LTF: variants seen among roughly 807,000 people sequenced by gnomAD.
The protein encoded by LTF is lactotransferrin, also known as epididymis luminal protein 110.
In LTF, 91 loss-of-function variants were observed where a neutral mutation model predicts 87.2. That is an observed-to-expected ratio of 1.04 (90% CI 0.88 to 1.24). The LOEUF (loss-of-function observed/expected upper bound fraction) is 1.24. Ranked by LOEUF, LTF falls within the 50% of genes most tolerant of loss-of-function variation. LTF has a pLI of 0.00. For synonymous variants in LTF, 378 were observed against 356.1 expected (o/e 1.06, Z -0.69); for missense variants, 901 against 904.3 (o/e 1.00, Z 0.05).
Position 46,443,583 on chromosome 3 carries a change from C to T in LTF, c.1514-1G>A. ...GCACAGCTTTGACTGAAATATTCATCTGGAGAGAAGGAACACGGGGAGTCA... is the reference window on the plus strand; with the variant it reads ...GCACAGCTTTGACTGAAATATTCATTTGGAGAGAAGGAACACGGGGAGTCA... On this transcript the variant is annotated splice_acceptor_variant, in intron 12 of 16. Coordinates refer to ENST00000231751, the MANE Select transcript of LTF (RefSeq NM_002343.6). LOFTEE classifies it high-confidence loss of function. 1 of 1,614,082 alleles carries T rather than the reference C, an allele frequency of 6.2e-7. No individual in the cohort carries two copies. Among genetic ancestry groups the T allele is most frequent in the Non-Finnish European group, 8.5e-7 (1 of 1,180,028 alleles).
chr3:46,455,755 C>G (rs1393480009), intron 4 of LTF, 41 bp downstream of exon 4: 1 of 1,525,442 alleles, frequency 6.6e-7, no homozygotes, highest in Non-Finnish European at 8.8e-7. Context: ...TGGAATAGAG[C>G]CCCCTGCCTG....
intron 2 of LTF, among the ~76,000 whole-genome samples, chr3:46,457,668 A>T (rs760744478): frequency 2.6e-5 from 4 of 152,244 alleles, no homozygotes; most frequent in Non-Finnish European, 5.9e-5. Flanking sequence ...CTCAGGTCTG[A>T]TTAGTAAGGG....
intron 10 of LTF, 78 bp from the exon 11 acceptor site, chr3:46,446,571 A>T: frequency 8.1e-7 from 1 of 1,241,738 alleles, no homozygotes; most frequent in South Asian, 1.3e-5. Flanking sequence ...AATCTCAATG[A>T]TGCAGAATCA....
intron 1 of LTF, chr3:46,463,622 C>A: frequency 1.0e-6 from 1 of 985,518 alleles, no homozygotes; most frequent in Non-Finnish European, 1.2e-6. Context: ...AACTAAAGAT[C>A]CAAGTGAATA....
rs1167651155 is a variant in LTF, at chr3:46,443,470, C to A, written c.1626G>T (p.Glu542Asp). 1 of 1,614,224 alleles carries A rather than the reference C, an allele frequency of 6.2e-7. No homozygotes were observed. The highest frequency in any genetic ancestry group is 2.2e-5 in the East Asian group (1 of 44,886). Reference protein sequence around the residue: ...GENKCVPNSNERYYGYTGAFR... With the variant: ...GENKCVPNSNDRYYGYTGAFR... ...AAGCCCCAGTGTAGCCGTAGTATCT[C>A]TCGTTGCTGTTGGGCACGCACTTAT... Residue 542 changes from glutamate (E) to aspartate (D), a missense_variant, in exon 13 of 17, where the codon GAG (glutamate) becomes GAT (aspartate). Coordinates refer to ENST00000231751, the MANE Select transcript of LTF (RefSeq NM_002343.6).
intron 14 of LTF, 88 bp from the exon 15 acceptor site, chr3:46,439,568 C>T: frequency 9.0e-7 from 1 of 1,108,172 alleles, no homozygotes; most frequent in African/African-American, 1.5e-5. Context: ...TTCCACTGAC[C>T]TCCCAAATGC....
upstream of LTF, among the ~76,000 whole-genome samples, chr3:46,467,122 G>C (rs1178654911): frequency 6.6e-6 from 1 of 152,218 alleles, no homozygotes; most frequent in Non-Finnish European, 1.5e-5. Context: ...GACACAGGCA[G>C]AGCAGCCCCT....
intron 14 of LTF, 126 bp downstream of exon 14, chr3:46,441,290 G>T: frequency 1.5e-6 from 1 of 684,694 alleles, no homozygotes; most frequent in Non-Finnish European, 2.5e-6. Flanking sequence ...AAAGAATTTT[G>T]GAGTTCTTTT....
At chr3:46,474,882 CT>C (rs1703339486) in intron 1 of LTF, among the ~76,000 whole-genome samples, 1 of 152,068 alleles carries the variant, frequency 6.6e-6, no homozygotes, top group Non-Finnish European at 1.5e-5. Flanking sequence ...TCAAGTAAAA[CT>C]TTTTTCAAAT....
In LTF at chr3:46,439,281, C is replaced by T. The variant is rs1432292802; in HGVS notation, c.1908+15G>A. On this transcript the variant is annotated intron_variant, in intron 15 of 16. Transcript: ENST00000231751. ...CACACAGCTAAGAAAGCACTAGAAG[C>T]CCTGTGGTCCATACCTGTTGGTGGA... is the stretch of plus-strand genomic sequence containing the variant. The T allele has an allele frequency of 6.3e-7, 1 of 1,594,602 alleles. No homozygotes were observed. Among genetic ancestry groups the T allele is most frequent in the Non-Finnish European group, 8.5e-7 (1 of 1,170,694 alleles).
At chr3:46,474,366 G>A (rs533033279) in intron 1 of LTF, among the ~76,000 whole-genome samples, 100 of 152,236 alleles carry the variant, frequency 6.6e-4, no homozygotes, top group African/African-American at 2.3e-3. Context: ...GGGGCAGAAA[G>A]AAACATTATG....
intron 1 of LTF, among the ~76,000 whole-genome samples, chr3:46,484,412 A>T (rs898602997): frequency 6.6e-6 from 1 of 152,134 alleles, no homozygotes; most frequent in Admixed American, 6.5e-5. Context: ...CATAATCCCC[A>T]TCTCACAGAT....
chr3:46,468,575 C>T (rs1409020802), upstream of LTF, among the ~76,000 whole-genome samples: 1 of 152,216 alleles, frequency 6.6e-6, no homozygotes, highest in African/African-American at 2.4e-5. Context: ...CTAAGTCCTC[C>T]CTGCAAGCCA....
chr3:46,463,957 A>T (rs1371362224), intron 1 of LTF, among the ~76,000 whole-genome samples: 1 of 152,170 alleles, frequency 6.6e-6, no homozygotes, highest in African/African-American at 2.4e-5. Context: ...TCCCAGCCTT[A>T]GGTAGATGCC....
intron 7 of LTF, 70 bp downstream of exon 7, chr3:46,450,425 A>T: frequency 6.6e-7 from 1 of 1,504,894 alleles, no homozygotes; most frequent in African/African-American, 1.4e-5. Context: ...GGCAGAAGTC[A>T]GGGAAGTAAG....
chr3:46,449,091 G>T (rs1371737240), intron 8 of LTF, 74 bp from the exon 9 acceptor site: 1 of 1,414,422 alleles, frequency 7.1e-7, no homozygotes, highest in Non-Finnish European at 9.6e-7. Flanking sequence ...CAGAGCCAGG[G>T]TCCTGCCCAG....
chr3:46,439,471 T>A lies in LTF; in HGVS notation c.1733A>T (p.Asn578Ile), dbSNP rs1383877348. Residue 578 changes from asparagine to isoleucine, a missense_variant, in exon 15 of 17, where the codon AAT (asparagine) becomes ATT (isoleucine). Physicochemically the swap from Asn to Ile is moderately radical, Grantham distance 149 (BLOSUM62 -3). Transcript: ENST00000231751. Reference protein sequence around the residue: ...TVLQNTDGNNNEAWAKDLKLA... With the variant: ...TVLQNTDGNNIEAWAKDLKLA... The stretch of plus-strand genomic sequence containing the variant: ...CTTCAAATCCTTAGCCCATGCCTCA[T>A]TGTTATTTCCTGGGGAGAAAAAGAA... 6.2e-7 allele frequency: 1 copy of A among 1,605,858 alleles called. No homozygotes were observed. Among genetic ancestry groups the A allele is most frequent in the Admixed American group, 1.7e-5 (1 of 58,518 alleles).
intron 1 of LTF, among the ~76,000 whole-genome samples, chr3:46,472,487 A>C (rs7639243): frequency 0.77 from 112,290 of 145,714 alleles, 42,915 homozygotes; most frequent in East Asian, 0.92. Flanking sequence ...GGAAAAGATT[A>C]TTGTGTGTGT....
intron 1 of LTF, among the ~76,000 whole-genome samples, chr3:46,480,809 C>T (rs1164567180): frequency 6.6e-6 from 1 of 152,144 alleles, no homozygotes; most frequent in Non-Finnish European, 1.5e-5. Flanking sequence ...AAATACAAGA[C>T]GTGAGAATTA....
Sources: gnomAD v4.1 joint callset for allele counts (sites outside exome capture counted in the v4.1 genomes callset) on GRCh38, gnomAD v4.1.1 for gene constraint, MANE v1.5 for transcripts, NCBI Gene and HGNC (gene_info 2026-07-23, HGNC 2026-07-21) for gene names.